The following GPR153 variants were observed in gnomAD, a reference collection of about 807,000 sequenced individuals.
GPR153 encodes the protein probable G protein-coupled receptor 153.
A neutral mutation model predicts 34.1 loss-of-function variants in GPR153; 27 were observed. The observed-to-expected ratio is 0.79, with a 90% CI of 0.58 to 1.09. GPR153 has a LOEUF of 1.09. Ranked by LOEUF, GPR153 falls within the 50% of genes least tolerant of loss-of-function variation. The pLI is 0.00. For synonymous variants in GPR153, 408 were observed against 405.4 expected (o/e 1.01, Z -0.08); for missense variants, 848 against 860.2 (o/e 0.99, Z 0.18).
At position 6,247,543 on chromosome 1, in the gene GPR153, G is replaced by A. The variant is rs1638327504; in HGVS notation, c.*1795C>T. On this transcript the variant is annotated 3_prime_UTR_variant, in exon 6 of 6. Coordinates refer to ENST00000377893, the MANE Select transcript of GPR153 (RefSeq NM_207370.4). ...CCAGGCCCAGGGTCCTCCACTTGGG[G>A]TCTCCCCCTTTATGTTTGTAAAAAC... 6.6e-6 allele frequency: 1 copy of A among 152,260 alleles called. No individual in the cohort carries two copies. The highest frequency in any genetic ancestry group is 1.5e-5 in the Non-Finnish European group (1 of 68,060). The allele number at this position is 152,260 out of a possible 1,614,324, so 9.4% of individuals were successfully genotyped here. A position where few individuals can be genotyped will look rare whatever the true frequency, so the allele number is the denominator to read the frequency against.
chr1:6,250,466 G>T lies in GPR153; in HGVS notation c.1138C>A (p.Gln380Lys). 1 of 1,607,278 alleles carries T rather than the reference G, an allele frequency of 6.2e-7. No homozygotes were observed. Among genetic ancestry groups the T allele is most frequent in the African/African-American group, 1.3e-5 (1 of 74,980 alleles). ...LPQLYPLRPL[Q>K]EDKMQYLQVP... ...TGCAGGTATTGCATCTTGTCCTCCT[G>T]CAAGGGCCGCAGTGGGTAGAGCTGG... The change falls in exon 5 of 6, where the codon CAG becomes AAG. Residue 380 changes from glutamine (Q) to lysine (K), a missense_variant. Coordinates refer to ENST00000377893, the MANE Select transcript of GPR153 (RefSeq NM_207370.4).
Position 6,253,939 on chromosome 1 carries a change from T to C in GPR153, c.565A>G (p.Ile189Val). 1 of 1,611,734 alleles carries C rather than the reference T, an allele frequency of 6.2e-7. No homozygotes were observed. Among genetic ancestry groups the C allele is most frequent in the East Asian group, 2.2e-5 (1 of 44,842 alleles). The change falls in exon 3 of 6, where the codon ATC (isoleucine) becomes GTC (valine). Residue 189 changes from isoleucine (I) to valine (V), a missense_variant. By Grantham distance (29) the Ile-to-Val change is conservative. Coordinates refer to ENST00000377893, the MANE Select transcript of GPR153 (RefSeq NM_207370.4). ...TGGAAGAGGGCGATGGCTGTGCAGA[T>C]CACGCCCATGGCCACGCTGCCGCCC... The part of the protein sequence containing the change: ...LVGGSVAMGV[I>V]CTAIALFQTL...
Position 6,251,600 on chromosome 1 carries a change from G to A in GPR153, c.787-70C>T, listed in dbSNP as rs905902120. On this transcript the variant is annotated intron_variant, in intron 3 of 5. Transcript: ENST00000377893. The surrounding 1 kb of genome is among the most constrained non-coding windows in gnomAD (Gnocchi z 4.9). The stretch of plus-strand genomic sequence containing the variant: ...ATCACACAAGCTCCCCCTGAGTCTC[G>A]GTCTCCCCATGTGTACGGCAGGTCT... 1.4e-5 allele frequency: 20 copies of A among 1,453,380 alleles called. No homozygotes were observed. In the East Asian group the frequency reaches 3.0e-4, roughly 22 times the overall value. The allele number at this position is 1,453,380 out of a possible 1,614,324, so 90.0% of individuals were successfully genotyped here. A position where few individuals can be genotyped will look rare whatever the true frequency, so the allele number is the denominator to read the frequency against.
chr1:6,251,805 C>T lies in GPR153; in HGVS notation c.787-275G>A, dbSNP rs573159707. 1.4e-4 allele frequency among the ~76,000 whole-genome samples: 22 copies of T among 152,292 alleles called. No homozygotes were observed. The South Asian group carries it at 2.9e-3, about 20-fold the overall frequency. On this transcript the variant is annotated intron_variant, in intron 3 of 5. Transcript: ENST00000377893. The surrounding 1 kb of genome is among the most constrained non-coding windows in gnomAD (Gnocchi z 4.9). ...GGGGCATGGATTACCACCTCCTCCC[C>T]GCTTTGTTTTGAGACAGTCTCATTC... is the stretch of plus-strand genomic sequence containing the variant.
At chr1:6,255,534 G>A (rs1267866616) in intron 1 of GPR153, among the ~76,000 whole-genome samples, 1 of 151,416 alleles carries the variant, frequency 6.6e-6, no homozygotes, top group African/African-American at 2.4e-5. Flanking sequence ...GAGTGCAGTG[G>A]TGAGATCATA....
chr1:6,260,386 C>CG (rs58244481), intron 1 of GPR153, among the ~76,000 whole-genome samples: 64,136 of 95,224 alleles, frequency 0.67, 23,276 homozygotes, highest in Admixed American at 0.76. Flanking sequence ...TCCCCCCCCC[C>CG]CCCCGCAATC....
intron 3 of GPR153, among the ~76,000 whole-genome samples, chr1:6,253,165 G>T (rs1179647640): frequency 6.6e-6 from 1 of 152,172 alleles, no homozygotes. Flanking sequence ...GCTGAGATGG[G>T]CAGATCACCT....
rs1325907456 is a variant in GPR153 at position 6,249,770 on chromosome 1, C to G, written c.1398G>C (p.Ser466=). Residue 466 remains serine, a synonymous_variant, in exon 6 of 6, where the codon TCG becomes TCC. Transcript: ENST00000377893. This position sits in a 1 kb window ranked among gnomAD's most constrained non-coding sequence, Gnocchi z 4.3. ...CTCCCCGCGGGCCGCTATCCAGGGC[C>G]GAGGGCCGCAGCGACAGCAGGCTCT... ...SAESLLSLRP[S]ALDSGPRGAR... is the part of the protein sequence containing the mutation. 2 of 1,144,182 alleles carry G rather than the reference C, an allele frequency of 1.7e-6. No individual in the cohort carries two copies. The highest frequency in any genetic ancestry group is 2.1e-6 in the Non-Finnish European group (2 of 934,274). The allele number at this position is 1,144,182 out of a possible 1,614,324, so 70.9% of individuals were successfully genotyped here.
At position 6,253,926 on chromosome 1, in the gene GPR153, A is replaced by G; in HGVS notation, c.578T>C (p.Ile193Thr). ...SVAMGVICTA[I>T]ALFQTLAVQV... ...CACGGCCAGCGTCTGGAAGAGGGCG[A>G]TGGCTGTGCAGATCACGCCCATGGC... The change falls in exon 3 of 6, where the codon ATC becomes ACC. Residue 193 changes from isoleucine (I) to threonine (T), a missense_variant. Physicochemically the swap from Ile to Thr is moderately conservative, Grantham distance 89. Coordinates refer to ENST00000377893, the MANE Select transcript of GPR153 (RefSeq NM_207370.4). 6.2e-7 allele frequency: 1 copy of G among 1,611,168 alleles called. No individual in the cohort carries two copies. The highest frequency in any genetic ancestry group is 8.5e-7 in the Non-Finnish European group (1 of 1,179,214).
chr1:6,250,512 G>A lies in GPR153; in HGVS notation c.1092C>T (p.Ser364=), dbSNP rs919346273. The A allele has an allele frequency of 9.3e-6, 15 of 1,609,716 alleles. No individual in the cohort carries two copies. The highest frequency in any genetic ancestry group is 2.2e-5 in the East Asian group (1 of 44,748). ...GCTGGGGCAGGCCCCCCTCCAGGGCGGAGATCTCATACTTGGCCATCCTAT... is the reference window on the plus strand; with the variant it reads ...GCTGGGGCAGGCCCCCCTCCAGGGCAGAGATCTCATACTTGGCCATCCTAT... ...ALDRMAKYEI[S]ALEGGLPQLY... Residue 364 remains serine (S), a synonymous_variant, in exon 5 of 6, where the codon TCC becomes TCT. Coordinates refer to ENST00000377893, the MANE Select transcript of GPR153 (RefSeq NM_207370.4).
At chr1:6,259,222 A>C (rs973344086) in intron 1 of GPR153, among the ~76,000 whole-genome samples, 19 of 152,178 alleles carry the variant, frequency 1.2e-4, no homozygotes, top group Non-Finnish European at 2.8e-4. Flanking sequence ...TGATTGTGCC[A>C]CTGCACTCTA....
chr1:6,256,690 C>T (rs1197658990), intron 1 of GPR153, among the ~76,000 whole-genome samples: 3 of 152,116 alleles, frequency 2.0e-5, no homozygotes, highest in Admixed American at 2.0e-4. Flanking sequence ...ATTTTAGAGA[C>T]AGAGTCTCAC....
intron 1 of GPR153, among the ~76,000 whole-genome samples, chr1:6,255,820 T>C (rs1638558939): frequency 6.6e-6 from 1 of 151,210 alleles, no homozygotes; most frequent in Non-Finnish European, 1.5e-5. Flanking sequence ...GCCTGGCTAA[T>C]TTTTTGTGTT....
chr1:6,253,841 G>A lies in GPR153; in HGVS notation c.663C>T (p.Asp221=), dbSNP rs571664815. The stretch of plus-strand genomic sequence containing the variant: ...TGGAGGAGCGCCGCTTGCCCTGCGC[G>A]TCCTCCACCACGATGGTGGGCACGG... ...AFTVPTIVVE[D]AQGKRRSSID... The change falls in exon 3 of 6, where the codon GAC becomes GAT. Residue 221 remains aspartate, a synonymous_variant. Transcript: ENST00000377893. 206 of 1,602,612 alleles carry A rather than the reference G, an allele frequency of 1.3e-4. 2 individuals are homozygous for A. Among genetic ancestry groups the A allele is most frequent in the South Asian group, 1.0e-3 (94 of 90,256 alleles).
chr1:6,250,028 C>T (rs895620227), intron 5 of GPR153, 25 bp from the exon 6 acceptor site: 1 of 1,255,972 alleles, frequency 8.0e-7, no homozygotes, highest in African/African-American at 1.5e-5. Context: ...CTGGCTTTTA[C>T]CCCGAGCTGC....
intron 1 of GPR153, among the ~76,000 whole-genome samples, chr1:6,259,012 G>A (rs1244975201): frequency 6.6e-6 from 1 of 152,240 alleles, no homozygotes; most frequent in Non-Finnish European, 1.5e-5. Flanking sequence ...TGTAATCCTA[G>A]CACTCGGGGA....
At chr1:6,255,655 T>TTG (rs1256225747) in intron 1 of GPR153, among the ~76,000 whole-genome samples, 5 of 124,118 alleles carry the variant, frequency 4.0e-5, no homozygotes, top group African/African-American at 2.0e-4. Flanking sequence ...TTTTTTTTTT[T>TTG]TTTTTTTTTT....
chr1:6,257,028 G>A (rs547705488), intron 1 of GPR153, among the ~76,000 whole-genome samples: 1 of 152,118 alleles, frequency 6.6e-6, no homozygotes, highest in Non-Finnish European at 1.5e-5. Flanking sequence ...CCTCACTTCC[G>A]TCCACTCCTG....
chr1:6,252,935 A>G (rs906388148), intron 3 of GPR153, among the ~76,000 whole-genome samples: 25 of 152,024 alleles, frequency 1.6e-4, no homozygotes, highest in African/African-American at 6.0e-4. Context: ...CGTTAGTATC[A>G]AGTGCAACTC....
Sources: allele counts gnomAD v4.1 joint callset (sites outside exome capture counted in the v4.1 genomes callset), GRCh38; gene constraint gnomAD v4.1.1; non-coding constraint Gnocchi (gnomAD v3.1); transcripts MANE v1.5; gene names NCBI Gene and HGNC (gene_info 2026-07-23, HGNC 2026-07-21).